PTPRR: variants seen among roughly 807,000 people sequenced by gnomAD.
PTPRR encodes receptor-type tyrosine-protein phosphatase R.
Under a neutral mutation model 77.2 loss-of-function variants are expected in PTPRR, and 38 were observed. That is an observed-to-expected ratio of 0.49 (90% CI 0.38 to 0.65). The LOEUF is 0.65. Ranked by LOEUF, PTPRR falls within the 30% of genes least tolerant of loss-of-function variation. PTPRR has a pLI of 0.00. For synonymous variants in PTPRR, 299 were observed against 283.1 expected (o/e 1.06, Z -0.57); for missense variants, 744 against 799.2 (o/e 0.93, Z 0.83).
intron 1 of PTPRR, among the ~76,000 whole-genome samples, chr12:70,915,018 C>A (rs1893755125): frequency 6.6e-6 from 1 of 151,856 alleles, no homozygotes. Flanking sequence ...AGAAAAATAA[C>A]AAAAAATCAA....
At chr12:70,672,300 C>T (rs111811407) in intron 10 of PTPRR, 168 of 1,586,440 alleles carry the variant, frequency 1.1e-4, no homozygotes, top group African/African-American at 5.8e-4. Context: ...CCCGTGCCCA[C>T]GGAACCGATC....
At chr12:70,856,084 TA>T (rs1187796685) in intron 2 of PTPRR, among the ~76,000 whole-genome samples, 3 of 151,534 alleles carry the variant, frequency 2.0e-5, no homozygotes, top group East Asian at 1.9e-4. Context: ...AACTTTAAAT[TA>T]AAAAAAAATC....
At chr12:70,661,166 C>A (rs75405399) in intron 11 of PTPRR, 69 bp from the exon 12 acceptor site, 50,225 of 1,543,858 alleles carry the variant, frequency 0.033, 2,367 homozygotes, top group East Asian at 0.24. Context: ...AACCACAATA[C>A]TGAATGCCTT....
At chr12:70,870,266 T>C (rs1055622774) in intron 2 of PTPRR, among the ~76,000 whole-genome samples, 3 of 152,098 alleles carry the variant, frequency 2.0e-5, no homozygotes, top group African/African-American at 7.2e-5. Context: ...ATAAATGAGA[T>C]ACTTTGAGTG....
At position 70,661,140 on chromosome 12, in the gene PTPRR, A is replaced by G. The variant is rs1226449452; in HGVS notation, c.1609-43T>C. 6.3e-6 allele frequency: 10 copies of G among 1,575,088 alleles called. No individual in the cohort carries two copies. In the Admixed American group the frequency reaches 1.8e-4, roughly 29 times the overall value. The stretch of plus-strand genomic sequence containing the variant: ...CACCAAATGCCTCATTCACTTGTAG[A>G]ACTAAAAGTCATCCAAACCACAATA... On this transcript the variant is annotated intron_variant, in intron 11 of 13. Transcript: ENST00000283228.
intron 6 of PTPRR, among the ~76,000 whole-genome samples, chr12:70,727,839 T>C (rs1889498066): frequency 6.6e-6 from 1 of 152,200 alleles, no homozygotes; most frequent in Non-Finnish European, 1.5e-5. Flanking sequence ...CTTGAACATG[T>C]TTAGCCCGAG....
rs554603352 is a variant in PTPRR, at chr12:70,906,814, A to G, written c.58+13519T>C. The G allele has an allele frequency of 1.4e-3, 212 of 152,132 alleles. 1 individual carries two copies. The highest frequency in any genetic ancestry group is 4.8e-3 in the African/African-American group (198 of 41,548). 9.4% of individuals were successfully genotyped at this position (152,132 alleles called of 1,614,324 possible). A position where few individuals can be genotyped will look rare whatever the true frequency, so the allele number is the denominator to read the frequency against. The stretch of plus-strand genomic sequence containing the variant: ...CATTTTGTTACAAAAAGTTTTTTTA[A>G]AAAAAAATCAGTTTCTACGAGATGA... On this transcript the variant is annotated intron_variant, in intron 1 of 13. Transcript: ENST00000283228.
intron 5 of PTPRR, among the ~76,000 whole-genome samples, chr12:70,749,077 C>T (rs964286307): frequency 8.5e-5 from 13 of 152,150 alleles, no homozygotes; most frequent in Non-Finnish European, 4.4e-5. Context: ...CTGATAAATA[C>T]AGCCATTCGC....
At chr12:70,891,760 T>C (rs1332713573) in intron 2 of PTPRR, among the ~76,000 whole-genome samples, 2 of 151,974 alleles carry the variant, frequency 1.3e-5, no homozygotes, top group Admixed American at 6.6e-5. Flanking sequence ...CTATATGTAG[T>C]AGGTTAAAAA....
At chr12:70,785,283 C>G (rs1274741463) in intron 2 of PTPRR, among the ~76,000 whole-genome samples, 1 of 152,016 alleles carries the variant, frequency 6.6e-6, no homozygotes, top group Non-Finnish European at 1.5e-5. Context: ...AGAATAGAAT[C>G]TCTTATCCTA....
chr12:70,881,860 A>T (rs1367596038), intron 2 of PTPRR, among the ~76,000 whole-genome samples: 1 of 152,234 alleles, frequency 6.6e-6, no homozygotes, highest in Non-Finnish European at 1.5e-5. Flanking sequence ...GAAGAAGCAA[A>T]TATATTTGAA....
chr12:70,788,810 T>C, intron 2 of PTPRR: 1 of 1,506,276 alleles, frequency 6.6e-7, no homozygotes, highest in African/African-American at 1.4e-5. Flanking sequence ...TGAGAGATTA[T>C]CTCACCTGTT....
chr12:70,913,837 A>T (rs1375874637), intron 1 of PTPRR, among the ~76,000 whole-genome samples: 1 of 152,194 alleles, frequency 6.6e-6, no homozygotes, highest in Non-Finnish European at 1.5e-5. Context: ...ATCACAATTC[A>T]TTTTAACAAA....
intron 1 of PTPRR, among the ~76,000 whole-genome samples, chr12:70,906,398 C>G (rs936254143): frequency 2.6e-5 from 4 of 151,916 alleles, no homozygotes; most frequent in African/African-American, 9.7e-5. Flanking sequence ...CTTACAGAAG[C>G]AGGGATTTCC....
chr12:70,880,897 C>G (rs1049658454), intron 2 of PTPRR, among the ~76,000 whole-genome samples: 3 of 152,092 alleles, frequency 2.0e-5, no homozygotes, highest in African/African-American at 7.2e-5. Flanking sequence ...TTGGCATAGA[C>G]TTGATTTTAT....
chr12:70,895,235 T>G (rs1439099340), intron 1 of PTPRR, among the ~76,000 whole-genome samples: 1 of 151,630 alleles, frequency 6.6e-6, no homozygotes, highest in Non-Finnish European at 1.5e-5. Context: ...AAAAGCAGCT[T>G]AGAAGATTGG....
intron 3 of PTPRR, among the ~76,000 whole-genome samples, chr12:70,762,727 A>G (rs1890721921): frequency 6.6e-6 from 1 of 152,240 alleles, no homozygotes; most frequent in African/African-American, 2.4e-5. Flanking sequence ...CTATTTTACA[A>G]ATAAAACGTA....
intron 2 of PTPRR, among the ~76,000 whole-genome samples, chr12:70,832,043 T>C (rs1490303799): frequency 1.3e-5 from 2 of 152,244 alleles, no homozygotes; most frequent in African/African-American, 4.8e-5. Flanking sequence ...GCAAATTTGT[T>C]ACTCTCAATG....
intron 6 of PTPRR, among the ~76,000 whole-genome samples, chr12:70,741,895 C>G (rs1182842089): frequency 6.6e-6 from 1 of 152,036 alleles, no homozygotes; most frequent in Non-Finnish European, 1.5e-5. Flanking sequence ...GGGGATCATG[C>G]CTTAGATATG....
Sources: gnomAD v4.1 joint callset for allele counts (sites outside exome capture counted in the v4.1 genomes callset) on GRCh38, gnomAD v4.1.1 for gene constraint, MANE v1.5 for transcripts, NCBI Gene and HGNC (gene_info 2026-07-23, HGNC 2026-07-21) for gene names.